The following PDE8A variants were observed in gnomAD, a reference collection of about 807,000 sequenced individuals.
The protein encoded by PDE8A is high affinity cAMP-specific and IBMX-insensitive 3',5'-cyclic phosphodiesterase 8A.
A neutral mutation model predicts 105.0 loss-of-function variants in PDE8A; 59 were observed. The observed-to-expected ratio is 0.56, with a 90% CI of 0.46 to 0.70. The LOEUF is 0.70. Ranked by LOEUF, PDE8A falls within the 30% of genes least tolerant of loss-of-function variation. The probability of loss-of-function intolerance (pLI) is 0.00; values close to 1 mark genes in which losing one functional copy is unlikely to be tolerated. For missense variants in PDE8A, 1,014 were observed against 1,045.9 expected (o/e 0.97, Z 0.42); for synonymous variants, 355 against 371.9 (o/e 0.95, Z 0.52).
Position 85,113,293 on chromosome 15 carries a change from C to T in PDE8A, c.1115-84C>T, listed in dbSNP as rs112713189. 339 of 1,099,584 alleles carry T rather than the reference C, an allele frequency of 3.1e-4. 1 individual carries two copies. In the African/African-American group the frequency reaches 4.5e-3, roughly 14 times the overall value. 68.1% of individuals were successfully genotyped at this position (1,099,584 alleles called of 1,614,324 possible). ...AGTTCTATCCTGCCCCTTCATCATG[C>T]AGCCGAGCACACTGAGCCCTCTGCT... On this transcript the variant is annotated intron_variant, in intron 12 of 21. Transcript: ENST00000394553.
At chr15:84,986,439 C>T (rs1385165934) in intron 1 of PDE8A, among the ~76,000 whole-genome samples, 1 of 152,000 alleles carries the variant, frequency 6.6e-6, no homozygotes, top group African/African-American at 2.4e-5. Context: ...ACCTCCCGTC[C>T]CACTTCCATC....
chr15:85,035,811 T>C (rs2080697038), intron 1 of PDE8A, among the ~76,000 whole-genome samples: 1 of 152,266 alleles, frequency 6.6e-6, no homozygotes, highest in African/African-American at 2.4e-5. Flanking sequence ...TGTCATAATA[T>C]GTGGTCCCCT....
chr15:85,098,916 C>T (rs60493737), intron 9 of PDE8A, among the ~76,000 whole-genome samples: 4,870 of 151,196 alleles, frequency 0.032, 256 homozygotes, highest in African/African-American at 0.11. Context: ...ATGATCATGC[C>T]ACTGTACTCC....
chr15:85,128,240 T>C (rs1037301152), intron 20 of PDE8A, among the ~76,000 whole-genome samples: 1 of 152,122 alleles, frequency 6.6e-6, no homozygotes, highest in Non-Finnish European at 1.5e-5. Context: ...TGCAGTGGCT[T>C]ATACATGTCA....
At chr15:84,987,357 G>A (rs2079819021) in intron 1 of PDE8A, among the ~76,000 whole-genome samples, 1 of 151,932 alleles carries the variant, frequency 6.6e-6, no homozygotes, top group South Asian at 2.1e-4. Flanking sequence ...TCGCCTTGCT[G>A]AGGTAAGGTT....
chr15:85,097,299 G>T (rs1176721251), intron 8 of PDE8A, among the ~76,000 whole-genome samples: 1 of 152,138 alleles, frequency 6.6e-6, no homozygotes, highest in African/African-American at 2.4e-5. Context: ...GTCTTGTTCT[G>T]TGTAGCCCTC....
At chr15:85,008,577 A>G (rs752501341) in intron 1 of PDE8A, among the ~76,000 whole-genome samples, 1 of 152,070 alleles carries the variant, frequency 6.6e-6, no homozygotes, top group Non-Finnish European at 1.5e-5. Context: ...GCTACCAGGT[A>G]TAGGTCTTGC....
At chr15:85,062,202 A>G (rs1397764551) in intron 1 of PDE8A, among the ~76,000 whole-genome samples, 4 of 152,252 alleles carry the variant, frequency 2.6e-5, no homozygotes, top group Non-Finnish European at 5.9e-5. Context: ...GAATGTAATA[A>G]TGTGGTAACT....
intron 16 of PDE8A, among the ~76,000 whole-genome samples, chr15:85,116,506 G>C (rs2082099670): frequency 1.3e-5 from 2 of 152,256 alleles, no homozygotes; most frequent in Admixed American, 1.3e-4. Flanking sequence ...GCTTTTGGTT[G>C]TTCTGTTGGT....
At chr15:85,020,142 G>A (rs2080400378) in intron 1 of PDE8A, among the ~76,000 whole-genome samples, 1 of 151,836 alleles carries the variant, frequency 6.6e-6, no homozygotes, top group Admixed American at 6.6e-5. Context: ...GCAAATAATA[G>A]GTATTCTTTC....
intron 12 of PDE8A, 84 bp downstream of exon 12, chr15:85,109,214 C>G: frequency 2.4e-6 from 2 of 837,702 alleles, no homozygotes. Flanking sequence ...CCAGGCTCAT[C>G]CTGTCTACCT....
Position 85,114,021 on chromosome 15 carries a change from T to C in PDE8A, c.1334T>C (p.Val445Ala), listed in dbSNP as rs200432446. 201 of 1,613,728 alleles carry C rather than the reference T, an allele frequency of 1.2e-4. No individual in the cohort carries two copies. The East Asian group carries it at 3.5e-3, about 28-fold the overall frequency. ...GATGATCCCCATGCCAATGACCTTGTTGGGGGCTTAATGTCTGTAAGTATA... is the reference window on the plus strand; with the variant it reads ...GATGATCCCCATGCCAATGACCTTGCTGGGGGCTTAATGTCTGTAAGTATA... Reference protein sequence around the residue: ...KDDDPHANDLVGGLMSDGLRR... With the variant: ...KDDDPHANDLAGGLMSDGLRR... Residue 445 changes from valine to alanine, a missense_variant, in exon 14 of 22, where the codon GTT (valine) becomes GCT (alanine). Transcript: ENST00000394553.
chr15:84,996,314 G>A (rs991916876), intron 1 of PDE8A, among the ~76,000 whole-genome samples: 8 of 151,746 alleles, frequency 5.3e-5, no homozygotes, highest in African/African-American at 1.9e-4. Context: ...AGTAGCTGGG[G>A]CTATAGATGT....
At chr15:85,126,055 T>C (rs2082253364) in intron 19 of PDE8A, 152 bp from the exon 20 acceptor site, 2 of 478,318 alleles carry the variant, frequency 4.2e-6, no homozygotes, top group African/African-American at 2.0e-5. Context: ...GAGGCCAAGC[T>C]CAATGCTCAC....
chr15:85,061,714 G>T (rs921184593), intron 1 of PDE8A, among the ~76,000 whole-genome samples: 16 of 151,918 alleles, frequency 1.1e-4, no homozygotes, highest in Non-Finnish European at 2.4e-4. Context: ...TCAGCATCTG[G>T]GACTCCCGTG....
intron 21 of PDE8A, among the ~76,000 whole-genome samples, chr15:85,137,361 C>G (rs2082427579): frequency 6.6e-6 from 1 of 151,866 alleles, no homozygotes. Flanking sequence ...TGTCCCCAGG[C>G]TGCACGTTCT....
intron 8 of PDE8A, among the ~76,000 whole-genome samples, chr15:85,094,189 T>TC (rs144608725): frequency 0.012 from 1,863 of 152,160 alleles, 24 homozygotes; most frequent in Middle Eastern, 0.037. Flanking sequence ...ATTTTTTTTT[T>TC]CCCTCCCTCA....
intron 6 of PDE8A, among the ~76,000 whole-genome samples, chr15:85,086,356 TTAAAA>T (rs1361409300): frequency 4.6e-5 from 7 of 152,222 alleles, no homozygotes; most frequent in Admixed American, 1.3e-4. Context: ...TTATCTACAG[TTAAAA>T]TAAACCTTAA....
intron 1 of PDE8A, among the ~76,000 whole-genome samples, chr15:85,039,234 T>G (rs2080760879): frequency 6.6e-6 from 1 of 152,038 alleles, no homozygotes; most frequent in South Asian, 2.1e-4. Context: ...CAGACCAGCC[T>G]GAGCAACCTA....
Sources: allele counts gnomAD v4.1 joint callset (sites outside exome capture counted in the v4.1 genomes callset), GRCh38; gene constraint gnomAD v4.1.1; transcripts MANE v1.5; gene names NCBI Gene and HGNC (gene_info 2026-07-23, HGNC 2026-07-21).